OR51I2: variants seen among roughly 807,000 people sequenced by gnomAD.
OR51I2 encodes olfactory receptor family 51 subfamily I member 2.
In OR51I2, 6 loss-of-function variants were observed where a neutral mutation model predicts 9.3. That is an observed-to-expected ratio of 0.64 (90% CI 0.35 to 1.27). OR51I2 has a LOEUF of 1.27. OR51I2 is among the 50% of genes most tolerant of loss of function. OR51I2 has a pLI of 0.03. For synonymous variants in OR51I2, 179 were observed against 143.1 expected (o/e 1.25, Z -1.79); for missense variants, 489 against 396.4 (o/e 1.23, Z -1.98).
rs76300102 is a variant in OR51I2 at position 5,454,385 on chromosome 11, C to A, written c.897C>A (p.Ile299=). The change falls in exon 2 of 2, where the codon ATC becomes ATA. Residue 299 remains isoleucine (I), a synonymous_variant. Transcript: ENST00000641930. Reference sequence around the variant, plus strand: ...TTTATAGCGCCAAGACAAAGGAAATCCGCCGAGCCATTTTCCGCATGTTTC... The same window carrying A: ...TTTATAGCGCCAAGACAAAGGAAATACGCCGAGCCATTTTCCGCATGTTTC... The part of the protein sequence containing the change: ...PLIYSAKTKE[I]RRAIFRMFHH... The A allele has an allele frequency of 6.2e-7, 1 of 1,611,232 alleles. No homozygotes were observed. Among genetic ancestry groups the A allele is most frequent in the South Asian group, 1.1e-5 (1 of 90,940 alleles).
intron 1 of OR51I2, among the ~76,000 whole-genome samples, chr11:5,450,261 C>T (rs1246816718): frequency 1.3e-5 from 2 of 151,986 alleles, no homozygotes; most frequent in African/African-American, 4.8e-5. Flanking sequence ...TGGTGGCAGG[C>T]GCCTGTAATT....
chr11:5,453,179 A>T, intron 1 of OR51I2, 80 bp from the exon 2 acceptor site: 1 of 213,924 alleles, frequency 4.7e-6, no homozygotes, highest in Admixed American at 5.6e-5. Context: ...CAAGTTGTAG[A>T]AATGTAGTTT....
Position 5,455,545 on chromosome 11 carries a change from T to C in OR51I2, c.*1118T>C, listed in dbSNP as rs1390709986. 2 of 39,562 alleles carry C rather than the reference T, an allele frequency of 5.1e-5. No homozygotes were observed. Among genetic ancestry groups the C allele is most frequent in the African/African-American group, 1.7e-4 (2 of 11,544 alleles). The allele number at this position is 39,562 out of a possible 1,614,324, so 2.5% of individuals were successfully genotyped here. On this transcript the variant is annotated 3_prime_UTR_variant, in exon 2 of 2. Transcript: ENST00000641930. The stretch of plus-strand genomic sequence containing the variant: ...TTGTAGATCAAAAGAGAGCGAGGGA[T>C]TGGGGGAGAAAGAAGGGGGGAGAGA...
rs753160596 is a variant in OR51I2, at chr11:5,453,563, C to G, written c.75C>G (p.Ser25=). The change falls in exon 2 of 2, where the codon TCC becomes TCG. Residue 25 remains serine (S), a synonymous_variant. Coordinates refer to ENST00000641930, the MANE Select transcript of OR51I2 (RefSeq NM_001004754.3). ...TGIPGLESSH[S]WLSGPLCVMY... The stretch of plus-strand genomic sequence containing the variant: ...TCCCTGGTCTGGAGAGCTCTCACTC[C>G]TGGCTGTCAGGGCCCCTCTGCGTGA... 6 of 1,610,720 alleles carry G rather than the reference C, an allele frequency of 3.7e-6. No homozygotes were observed. The East Asian group carries it at 1.3e-4, about 36-fold the overall frequency.
At chr11:5,452,802 G>A (rs1381227360) in intron 1 of OR51I2, among the ~76,000 whole-genome samples, 1 of 152,184 alleles carries the variant, frequency 6.6e-6, no homozygotes, top group East Asian at 1.9e-4. Flanking sequence ...AATATTTAGG[G>A]ACAAATACAT....
intron 1 of OR51I2, among the ~76,000 whole-genome samples, chr11:5,452,289 G>A (rs145710101): frequency 0.012 from 1,804 of 152,086 alleles, 40 homozygotes; most frequent in African/African-American, 0.041. Context: ...CGGATCACGA[G>A]GTCAGGAGAT....
At chr11:5,449,573 G>A (rs931598337) in intron 1 of OR51I2, among the ~76,000 whole-genome samples, 1 of 152,166 alleles carries the variant, frequency 6.6e-6, no homozygotes, top group African/African-American at 2.4e-5. Context: ...TGTACTGATT[G>A]TATAACCCCA....
At chr11:5,452,673 G>A (rs1850875452) in intron 1 of OR51I2, among the ~76,000 whole-genome samples, 1 of 151,932 alleles carries the variant, frequency 6.6e-6, no homozygotes, top group African/African-American at 2.4e-5. Context: ...TGTTGTGAAG[G>A]TACATTAATG....
chr11:5,452,094 G>A (rs1850861435), intron 1 of OR51I2, among the ~76,000 whole-genome samples: 1 of 152,208 alleles, frequency 6.6e-6, no homozygotes, highest in African/African-American at 2.4e-5. Context: ...GTAGATAGAA[G>A]TGTTGTGTGA....
rs1850933168 is a variant in OR51I2, at chr11:5,455,268, C to A, written c.*841C>A. On this transcript the variant is annotated 3_prime_UTR_variant, in exon 2 of 2. Transcript: ENST00000641930. Reference sequence around the variant, plus strand: ...TGGTAGGGGCACAATTTCTATTTCTCTTTCCTTCTTGAGATTTTAACTGTC... The same window carrying A: ...TGGTAGGGGCACAATTTCTATTTCTATTTCCTTCTTGAGATTTTAACTGTC... 1 of 151,446 alleles carries A rather than the reference C, an allele frequency of 6.6e-6. No homozygotes were observed. The allele number at this position is 151,446 out of a possible 1,614,324, so 9.4% of individuals were successfully genotyped here.
Position 5,454,209 on chromosome 11 carries a change from T to C in OR51I2, c.721T>C (p.Cys241Arg). 1.9e-6 allele frequency: 3 copies of C among 1,614,096 alleles called. 1 individual carries two copies. The highest frequency in any genetic ancestry group is 2.2e-5 in the South Asian group (2 of 91,082). The change falls in exon 2 of 2, where the codon TGT becomes CGT. Residue 241 changes from cysteine (C) to arginine (R), a missense_variant. Physicochemically the swap from Cys to Arg is radical, Grantham distance 180. Coordinates refer to ENST00000641930, the MANE Select transcript of OR51I2 (RefSeq NM_001004754.3). The part of the protein sequence containing the change: ...REERLKALNT[C>R]VSHILAVLAF... Reference sequence around the variant, plus strand: ...GGAACGCCTCAAAGCTCTCAACACATGTGTGTCACATATCCTGGCTGTACT... The same window carrying C: ...GGAACGCCTCAAAGCTCTCAACACACGTGTGTCACATATCCTGGCTGTACT...
At chr11:5,450,297 A>G (rs2002785) in intron 1 of OR51I2, among the ~76,000 whole-genome samples, 76,433 of 151,484 alleles carry the variant, frequency 0.5, 20,084 homozygotes, top group Non-Finnish European at 0.56. Context: ...GCTGGGGCAC[A>G]AGAATCACCT....
At chr11:5,451,191 C>A (rs1183668781) in intron 1 of OR51I2, among the ~76,000 whole-genome samples, 1 of 152,168 alleles carries the variant, frequency 6.6e-6, no homozygotes, top group South Asian at 2.1e-4. Context: ...TTAGCAATCC[C>A]CAAGGTAAGG....
intron 1 of OR51I2, among the ~76,000 whole-genome samples, chr11:5,450,458 T>A (rs1850827465): frequency 6.6e-6 from 1 of 152,110 alleles, no homozygotes; most frequent in African/African-American, 2.4e-5. Context: ...AAATAGATAT[T>A]TCTACGCTTA....
chr11:5,453,028 C>T (rs1042005750), intron 1 of OR51I2, among the ~76,000 whole-genome samples: 1 of 152,152 alleles, frequency 6.6e-6, no homozygotes, highest in Non-Finnish European at 1.5e-5. Context: ...ATTTGTGATA[C>T]ATATGAATTA....
rs1564819368 is a variant in OR51I2, at chr11:5,455,605, G to GAGAAAGAGAAAAAGAA, written c.*1179_*1180insGAAAGAGAAAAAGAAA. The GAGAAAGAGAAAAAGAA allele has an allele frequency of 1.5e-3, 210 of 141,898 alleles. No homozygotes were observed. Among genetic ancestry groups the GAGAAAGAGAAAAAGAA allele is most frequent in the African/African-American group, 5.2e-3 (200 of 38,714 alleles). The allele number at this position is 141,898 out of a possible 1,614,324, so 8.8% of individuals were successfully genotyped here. A position where few individuals can be genotyped will look rare whatever the true frequency, so the allele number is the denominator to read the frequency against. Reference sequence around the variant, plus strand: ...AGAGAAAGAGAGAAAGAGAAAAAGAGAAAGAGAAAGAGAGAAAGAGAGAGA... The same window carrying GAGAAAGAGAAAAAGAA: ...AGAGAAAGAGAGAAAGAGAAAAAGAGAGAAAGAGAAAAAGAAAAAGAGAAAGAGAGAAAGAGAGAGA... On this transcript the variant is annotated 3_prime_UTR_variant, in exon 2 of 2. Coordinates refer to ENST00000641930, the MANE Select transcript of OR51I2 (RefSeq NM_001004754.3).
intron 1 of OR51I2, among the ~76,000 whole-genome samples, chr11:5,452,322 G>A (rs1041959064): frequency 1.3e-5 from 2 of 151,814 alleles, no homozygotes; most frequent in Admixed American, 1.3e-4. Flanking sequence ...GGCTAACACG[G>A]TGAAACCCCG....
chr11:5,452,640 T>C (rs1850874739), intron 1 of OR51I2, among the ~76,000 whole-genome samples: 1 of 151,066 alleles, frequency 6.6e-6, no homozygotes, highest in African/African-American at 2.4e-5. Context: ...CTTCTTAGAC[T>C]ATGAATGAGC....
chr11:5,454,522 G>T lies in OR51I2; in HGVS notation c.*95G>T, dbSNP rs1272491597. 6 of 1,101,004 alleles carry T rather than the reference G, an allele frequency of 5.4e-6. No individual in the cohort carries two copies. Among genetic ancestry groups the T allele is most frequent in the Non-Finnish European group, 7.8e-6 (6 of 768,708 alleles). 68.2% of individuals were successfully genotyped at this position (1,101,004 alleles called of 1,614,324 possible). ...CATCAAAGTATAAGATAGATTGTGT[G>T]CTGCGGGAAAAGTAGGCCAGGAGAT... On this transcript the variant is annotated 3_prime_UTR_variant, in exon 2 of 2. Transcript: ENST00000641930.
Sources: gnomAD v4.1 joint callset for allele counts (sites outside exome capture counted in the v4.1 genomes callset) on GRCh38, gnomAD v4.1.1 for gene constraint, MANE v1.5 for transcripts, NCBI Gene and HGNC (gene_info 2026-07-23, HGNC 2026-07-21) for gene names.